The following GUCY2D variants were observed in gnomAD, a reference collection of about 807,000 sequenced individuals.
The protein encoded by GUCY2D is guanylate cyclase 2D, retinal.
A neutral mutation model predicts 101.3 loss-of-function variants in GUCY2D; 70 were observed. The ratio of observed to expected loss-of-function variants is 0.69; its 90% CI spans 0.57 to 0.84. The LOEUF is 0.84. Among genes scored for constraint, GUCY2D ranks in the 40% least tolerant of loss-of-function variants. GUCY2D has a pLI of 0.00. For synonymous variants in GUCY2D, 688 were observed against 670.7 expected (o/e 1.03, Z -0.40); for missense variants, 1,460 against 1,542.5 (o/e 0.95, Z 0.90).
At position 8,015,040 on chromosome 17, in the gene GUCY2D, G is replaced by A; in HGVS notation, c.2758G>A (p.Asp920Asn). The A allele has an allele frequency of 1.9e-6, 3 of 1,613,544 alleles. No individual in the cohort carries two copies. The highest frequency in any genetic ancestry group is 2.5e-6 in the Non-Finnish European group (3 of 1,179,826). The part of the protein sequence containing the change: ...TLFDAIIGSH[D>N]VYKVETIGDA... ...CTTTGATGCCATCATTGGTTCCCAC[G>A]ATGTCTACAAGGTGCAGTGTGTAGG... is the stretch of plus-strand genomic sequence containing the variant. Residue 920 changes from aspartate (D) to asparagine (N), a missense_variant, in exon 14 of 20, where the codon GAT (aspartate) becomes AAT (asparagine). Physicochemically the swap from Asp to Asn is conservative, Grantham distance 23 (BLOSUM62 1). This residue lies in a region of GUCY2D where 49 missense variants were observed against 85.0 expected (regional missense o/e 0.58). Coordinates refer to ENST00000254854, the MANE Select transcript of GUCY2D (RefSeq NM_000180.4).
At chr17:8,012,709 C>CA in intron 10 of GUCY2D, 103 bp downstream of exon 10, 1 of 906,576 alleles carries the variant, frequency 1.1e-6, no homozygotes, top group Non-Finnish European at 1.8e-6. Flanking sequence ...CTCTTCATCC[C>CA]ACATCCACCA....
At chr17:8,007,569 C>T (rs776947384) in intron 6 of GUCY2D, 41 bp downstream of exon 6, 27 of 1,341,682 alleles carry the variant, frequency 2.0e-5, no homozygotes, top group Admixed American at 3.4e-5. Context: ...GTCTTCTTTC[C>T]GTAAATTTGG....
chr17:8,013,468 T>A lies in GUCY2D; in HGVS notation c.2263+216T>A. On this transcript the variant is annotated intron_variant, in intron 11 of 19. Coordinates refer to ENST00000254854, the MANE Select transcript of GUCY2D (RefSeq NM_000180.4). The surrounding 1 kb of genome is among the most constrained non-coding windows in gnomAD (Gnocchi z 5.0). ...TAGGTCCCAGACCACAACAGCTTCCTCTTTCTTGATGCTGGAACCAAACTG... is the reference window on the plus strand; with the variant it reads ...TAGGTCCCAGACCACAACAGCTTCCACTTTCTTGATGCTGGAACCAAACTG... 2 of 606,578 alleles carry A rather than the reference T, an allele frequency of 3.3e-6. No individual in the cohort carries two copies. Among genetic ancestry groups the A allele is most frequent in the South Asian group, 3.8e-5 (2 of 52,772 alleles). The allele number at this position is 606,578 out of a possible 1,614,324, so 37.6% of individuals were successfully genotyped here. A position where few individuals can be genotyped will look rare whatever the true frequency, so the allele number is the denominator to read the frequency against.
rs61750167 is a variant in GUCY2D at position 8,013,237 on chromosome 17, G to T, written c.2248G>T (p.Glu750Ter). ...VCRSAPYAML[E>*]LTPEEVVQRV... ...CCGCAGTGCCCCTTATGCCATGCTG[G>T]AGCTCACTCCCGAGGGTAAGGCTGC... is the stretch of plus-strand genomic sequence containing the variant. Residue 750 changes from glutamate (E) to a stop codon, truncating the protein, a stop_gained, in exon 11 of 20, where the codon GAG (glutamate) becomes TAG (stop). Coordinates refer to ENST00000254854, the MANE Select transcript of GUCY2D (RefSeq NM_000180.4). LOFTEE classifies it high-confidence loss of function. This position sits in a 1 kb window ranked among gnomAD's most constrained non-coding sequence, Gnocchi z 5.0. 2 of 1,614,122 alleles carry T rather than the reference G, an allele frequency of 1.2e-6. No individual in the cohort carries two copies. The highest frequency in any genetic ancestry group is 1.7e-6 in the Non-Finnish European group (2 of 1,180,012).
intron 15 of GUCY2D, 57 bp downstream of exon 15, chr17:8,015,559 A>G (rs185713115): frequency 6.6e-7 from 1 of 1,507,206 alleles, no homozygotes. Context: ...GCCTGGCCCC[A>G]GATTTCCTGT....
In GUCY2D at chr17:8,015,357, G is replaced by A. The variant is rs1975944546; in HGVS notation, c.2799G>A (p.Val933=). The change falls in exon 15 of 20, where the codon GTG becomes GTA. Residue 933 remains valine, a synonymous_variant. Coordinates refer to ENST00000254854, the MANE Select transcript of GUCY2D (RefSeq NM_000180.4). Reference sequence around the variant, plus strand: ...AGACAATAGGGGACGCCTATATGGTGGCCTCGGGGCTGCCCCAGCGGAATG... The same window carrying A: ...AGACAATAGGGGACGCCTATATGGTAGCCTCGGGGCTGCCCCAGCGGAATG... ...KVETIGDAYM[V]ASGLPQRNGQ... is the part of the protein sequence containing the mutation. 1 of 1,610,270 alleles carries A rather than the reference G, an allele frequency of 6.2e-7. No individual in the cohort carries two copies. Among genetic ancestry groups the A allele is most frequent in the Non-Finnish European group, 8.5e-7 (1 of 1,179,962 alleles).
In GUCY2D at chr17:8,007,971, T is replaced by C. The variant is rs773905916; in HGVS notation, c.1607T>C (p.Met536Thr). 1 of 1,613,912 alleles carries C rather than the reference T, an allele frequency of 6.2e-7. No homozygotes were observed. Among genetic ancestry groups the C allele is most frequent in the Non-Finnish European group, 8.5e-7 (1 of 1,179,830 alleles). The stretch of plus-strand genomic sequence containing the variant: ...CGATCAAGTCTGGGTGCCCGCAGCA[T>C]GTCAGACATTCGCAGCGGCCCCAGC... ...GSRSSLGARS[M>T]SDIRSGPSQH... Residue 536 changes from methionine to threonine, a missense_variant, in exon 7 of 20, where the codon ATG becomes ACG. By Grantham distance (81) the Met-to-Thr change is moderately conservative (BLOSUM62 -1). Transcript: ENST00000254854.
rs776893288 is a variant in GUCY2D, at chr17:8,013,987, C to T, written c.2371C>T (p.Gln791Ter). 1 of 1,613,632 alleles carries T rather than the reference C, an allele frequency of 6.2e-7. No individual in the cohort carries two copies. The highest frequency in any genetic ancestry group is 8.5e-7 in the Non-Finnish European group (1 of 1,179,854). The change falls in exon 12 of 20, where the codon CAG becomes TAG. Residue 791 changes from glutamine to a stop codon, truncating the protein, a stop_gained. Transcript: ENST00000254854. LOFTEE classifies it high-confidence loss of function. This position sits in a 1 kb window ranked among gnomAD's most constrained non-coding sequence, Gnocchi z 5.0. ...ILLMKQCWAE[Q>*]PELRPSMDHT... The stretch of plus-strand genomic sequence containing the variant: ...CCTGATGAAGCAGTGCTGGGCAGAG[C>T]AGCCGGAACTTCGGCCCTCCATGGA...
At position 8,016,493 on chromosome 17, in the gene GUCY2D, G is replaced by A. The variant is rs1325717461; in HGVS notation, c.3275G>A (p.Arg1092Gln). The A allele has an allele frequency of 1.3e-6, 2 of 1,581,736 alleles. No homozygotes were observed. Among genetic ancestry groups the A allele is most frequent in the South Asian group, 1.2e-5 (1 of 86,822 alleles). The change falls in exon 19 of 20, where the codon CGG becomes CAG. Residue 1092 changes from arginine (R) to glutamine (Q), a missense_variant. Transcript: ENST00000254854. ...SLQEIPPERR[R>Q]KLEKARPGQF... ...CAGGAGATCCCACCCGAGCGGCGAC[G>A]GAAGCTGGAGAAGGCGCGGCCGGGC...
In GUCY2D at chr17:8,013,984, G is replaced by C; in HGVS notation, c.2368G>C (p.Glu790Gln). The change falls in exon 12 of 20, where the codon GAG (glutamate) becomes CAG (glutamine). Residue 790 changes from glutamate to glutamine, a missense_variant. Glu to Gln is a conservative substitution (Grantham distance 29). Transcript: ENST00000254854. This position sits in a 1 kb window ranked among gnomAD's most constrained non-coding sequence, Gnocchi z 5.0. ...CILLMKQCWAEQPELRPSMDH... is the reference protein window; with the variant it reads ...CILLMKQCWAQQPELRPSMDH... Reference sequence around the variant, plus strand: ...CCTCCTGATGAAGCAGTGCTGGGCAGAGCAGCCGGAACTTCGGCCCTCCAT... The same window carrying C: ...CCTCCTGATGAAGCAGTGCTGGGCACAGCAGCCGGAACTTCGGCCCTCCAT... 2 of 1,613,832 alleles carry C rather than the reference G, an allele frequency of 1.2e-6. No individual in the cohort carries two copies. Among genetic ancestry groups the C allele is most frequent in the Non-Finnish European group, 1.7e-6 (2 of 1,179,896 alleles).
chr17:8,009,393 G>T, intron 7 of GUCY2D, 113 bp from the exon 8 acceptor site: 1 of 794,994 alleles, frequency 1.3e-6, no homozygotes, highest in Non-Finnish European at 2.3e-6. Flanking sequence ...TTGTCACATG[G>T]AAGATGCATT....
chr17:8,005,179 G>C (rs992212030), intron 3 of GUCY2D, among the ~76,000 whole-genome samples: 1 of 152,136 alleles, frequency 6.6e-6, no homozygotes. Flanking sequence ...ACTTCCTAAA[G>C]ATCATTCGAA....
intron 19 of GUCY2D, 75 bp from the exon 20 acceptor site, chr17:8,020,053 G>T (rs1420590735): frequency 7.3e-5 from 11 of 149,666 alleles, no homozygotes; most frequent in Admixed American, 6.6e-4. Flanking sequence ...TCCCACGGCA[G>T]AGACTCTACA....
intron 14 of GUCY2D, 76 bp downstream of exon 14, chr17:8,015,127 A>T: frequency 7.7e-7 from 1 of 1,291,246 alleles, no homozygotes; most frequent in South Asian, 1.2e-5. Flanking sequence ...CTTCCTGCGC[A>T]GCCCCTAGCC....
chr17:8,016,090 G>C, intron 17 of GUCY2D, 69 bp downstream of exon 17: 1 of 1,441,630 alleles, frequency 6.9e-7, no homozygotes, highest in Non-Finnish European at 9.6e-7. Flanking sequence ...CCCGGGCCGC[G>C]GCTGCAAACC....
Position 8,014,757 on chromosome 17 carries a change from C to A in GUCY2D, c.2569C>A (p.Leu857Met), listed in dbSNP as rs1397949475. The change falls in exon 13 of 20, where the codon CTG (leucine) becomes ATG (methionine). Residue 857 changes from leucine to methionine, a missense_variant. By Grantham distance (15) the Leu-to-Met change is conservative. This residue lies in a region of GUCY2D where 1,196 missense variants were observed against 1,229.6 expected (regional missense o/e 0.97). Coordinates refer to ENST00000254854, the MANE Select transcript of GUCY2D (RefSeq NM_000180.4). The surrounding 1 kb of genome is among the most constrained non-coding windows in gnomAD (Gnocchi z 4.0). ...GACAGACCGGCTGCTTACACAGATGCTGCCTCCGTGGGTGCCAGTGGGAAG... is the reference window on the plus strand; with the variant it reads ...GACAGACCGGCTGCTTACACAGATGATGCCTCCGTGGGTGCCAGTGGGAAG... ...QKTDRLLTQMLPPSVAEALKT... is the reference protein window; with the variant it reads ...QKTDRLLTQMMPPSVAEALKT... 7.3e-7 allele frequency: 1 copy of A among 1,375,612 alleles called. No homozygotes were observed. The allele number at this position is 1,375,612 out of a possible 1,614,324, so 85.2% of individuals were successfully genotyped here.
rs1975942891 is a variant in GUCY2D at position 8,015,313 on chromosome 17, T to A, written c.2770-15T>A. On this transcript the variant is annotated splice_polypyrimidine_tract_variant and intron_variant, in intron 14 of 19. Coordinates refer to ENST00000254854, the MANE Select transcript of GUCY2D (RefSeq NM_000180.4). ...ATGCTCAAAAGAAAATTCACACAAC[T>A]CCTTCTTCCCCCAGGTGGAGACAAT... is the stretch of plus-strand genomic sequence containing the variant. The A allele has an allele frequency of 6.2e-7, 1 of 1,601,918 alleles. No homozygotes were observed. Among genetic ancestry groups the A allele is most frequent in the Non-Finnish European group, 8.5e-7 (1 of 1,178,938 alleles).
Position 8,003,329 on chromosome 17 carries a change from C to A in GUCY2D, c.282C>A (p.Pro94=). The part of the protein sequence containing the change: ...LNRDPGLAGG[P]RFEVALLPEP... ...GCGACCCCGGCCTGGCAGGCGGTCCCCGCTTCGAGGTAGCGCTGCTGCCCG... is the reference window on the plus strand; with the variant it reads ...GCGACCCCGGCCTGGCAGGCGGTCCACGCTTCGAGGTAGCGCTGCTGCCCG... Residue 94 remains proline, a synonymous_variant, in exon 2 of 20, where the codon CCC becomes CCA. Transcript: ENST00000254854. The A allele has an allele frequency of 6.7e-7, 1 of 1,483,136 alleles. No homozygotes were observed. Among genetic ancestry groups the A allele is most frequent in the Non-Finnish European group, 8.9e-7 (1 of 1,123,664 alleles). 91.9% of individuals were successfully genotyped at this position (1,483,136 alleles called of 1,614,324 possible).
intron 4 of GUCY2D, 113 bp downstream of exon 4, chr17:8,006,827 C>G: frequency 1.0e-6 from 1 of 1,000,948 alleles, no homozygotes; most frequent in Admixed American, 2.0e-5. Context: ...CTTCTAGGCC[C>G]TCTCCCAGCC....
Sources: allele counts gnomAD v4.1 joint callset (sites outside exome capture counted in the v4.1 genomes callset), GRCh38; gene constraint gnomAD v4.1.1; regional missense constraint gnomAD v4.1.1; non-coding constraint Gnocchi (gnomAD v3.1); transcripts MANE v1.5; gene names NCBI Gene and HGNC (gene_info 2026-07-23, HGNC 2026-07-21).